YWHAQ: variants seen among roughly 807,000 people sequenced by gnomAD.
YWHAQ encodes tyrosine 3-monooxygenase/tryptophan 5-monooxygenase activation protein theta.
YWHAQ carries 6 observed loss-of-function variants against 28.3 expected under a neutral mutation model. The ratio of observed to expected loss-of-function variants is 0.21; its 90% CI spans 0.12 to 0.42. The LOEUF is 0.42. YWHAQ is among the 10% of genes least tolerant of loss of function. YWHAQ has a pLI of 1.00. For missense variants in YWHAQ, 201 were observed against 305.6 expected (o/e 0.66, Z 2.55); for synonymous variants, 143 against 119.1 (o/e 1.20, Z -1.31).
chr2:9,628,546 C>G (rs1372465643), intron 2 of YWHAQ, among the ~76,000 whole-genome samples: 1 of 152,164 alleles, frequency 6.6e-6, no homozygotes, highest in African/African-American at 2.4e-5. Flanking sequence ...AATTGAAAAG[C>G]AATAAACTGA....
At chr2:9,611,828 G>A (rs1167265989) in intron 2 of YWHAQ, among the ~76,000 whole-genome samples, 1 of 152,080 alleles carries the variant, frequency 6.6e-6, no homozygotes, top group Non-Finnish European at 1.5e-5. Context: ...GCACCACCAC[G>A]CCCAGCTAAT....
Position 9,591,423 on chromosome 2 carries a change from A to G in YWHAQ, c.387T>C (p.Leu129=). ...LKMKGDYFRY[L]AEVACGDDRK... Reference sequence around the variant, plus strand: ...GATCATCACCACACGCAACTTCAGCAAGGTACCGGAAGTAATCACCCTTCA... The same window carrying G: ...GATCATCACCACACGCAACTTCAGCGAGGTACCGGAAGTAATCACCCTTCA... Residue 129 remains leucine (L), a synonymous_variant, in exon 3 of 6, where the codon CTT becomes CTC. Transcript: ENST00000238081. 1 of 1,613,014 alleles carries G rather than the reference A, an allele frequency of 6.2e-7. No homozygotes were observed. Among genetic ancestry groups the G allele is most frequent in the Non-Finnish European group, 8.5e-7 (1 of 1,179,176 alleles).
In YWHAQ at chr2:9,630,035, A is replaced by G. The variant is rs1667328984; in HGVS notation, c.294+124T>C. Reference sequence around the variant, plus strand: ...ACAGTAGGGAAGTCAGGGCTCACCTAAAACCCTCCACCCCAGCAGACAGTC... The same window carrying G: ...ACAGTAGGGAAGTCAGGGCTCACCTGAAACCCTCCACCCCAGCAGACAGTC... On this transcript the variant is annotated intron_variant, in intron 2 of 5. Transcript: ENST00000238081. The surrounding 1 kb of genome is among the most constrained non-coding windows in gnomAD (Gnocchi z 5.6). 2.3e-6 allele frequency: 3 copies of G among 1,311,288 alleles called. No individual in the cohort carries two copies. Among genetic ancestry groups the G allele is most frequent in the African/African-American group, 1.5e-5 (1 of 68,162 alleles). 81.2% of individuals were successfully genotyped at this position (1,311,288 alleles called of 1,614,324 possible).
chr2:9,611,306 C>A (rs917349121), intron 2 of YWHAQ, among the ~76,000 whole-genome samples: 5 of 152,184 alleles, frequency 3.3e-5, no homozygotes, highest in Non-Finnish European at 4.4e-5. Context: ...TTGATTCCTA[C>A]GTGAGTCTAT....
intron 5 of YWHAQ, among the ~76,000 whole-genome samples, chr2:9,585,662 C>G (rs550402385): frequency 1.3e-5 from 2 of 152,106 alleles, no homozygotes; most frequent in African/African-American, 2.4e-5. Flanking sequence ...AATCTCAGCA[C>G]GTAGGGAGGC....
intron 2 of YWHAQ, among the ~76,000 whole-genome samples, chr2:9,600,347 C>T: frequency 6.6e-6 from 1 of 152,130 alleles, no homozygotes; most frequent in Non-Finnish European, 1.5e-5. Flanking sequence ...GAGAGGATTG[C>T]CTCTGATTTT....
At chr2:9,609,521 C>G (rs563584511) in intron 2 of YWHAQ, among the ~76,000 whole-genome samples, 1 of 151,702 alleles carries the variant, frequency 6.6e-6, no homozygotes, top group Non-Finnish European at 1.5e-5. Context: ...GGATAATGGC[C>G]GAGACTTCCA....
At chr2:9,609,502 G>A (rs532017970) in intron 2 of YWHAQ, among the ~76,000 whole-genome samples, 2 of 152,234 alleles carry the variant, frequency 1.3e-5, no homozygotes, top group East Asian at 3.9e-4. Context: ...AAGATGAGAT[G>A]TTATTCTGGG....
rs548895823 is a variant in YWHAQ at position 9,600,532 on chromosome 2, C to T, written c.295-9017G>A. On this transcript the variant is annotated intron_variant, in intron 2 of 5. Coordinates refer to ENST00000238081, the MANE Select transcript of YWHAQ (RefSeq NM_006826.4). ...ACCAGCCTGACCAACATGGAGAAACCCCATCTCTACTAAAAATACAAAATT... is the reference window on the plus strand; with the variant it reads ...ACCAGCCTGACCAACATGGAGAAACTCCATCTCTACTAAAAATACAAAATT... Among the ~76,000 whole-genome samples, 3 of 152,020 alleles carry T rather than the reference C, an allele frequency of 2.0e-5. No homozygotes were observed. The East Asian group carries it at 5.8e-4, about 29-fold the overall frequency.
intron 2 of YWHAQ, among the ~76,000 whole-genome samples, chr2:9,613,870 C>G (rs1417077997): frequency 2.6e-5 from 4 of 152,184 alleles, no homozygotes; most frequent in Non-Finnish European, 5.9e-5. Flanking sequence ...AACTCAGGTA[C>G]TGAGGTGCTG....
chr2:9,599,011 T>A (rs1252749684), intron 2 of YWHAQ, among the ~76,000 whole-genome samples: 2 of 152,096 alleles, frequency 1.3e-5, no homozygotes, highest in African/African-American at 4.8e-5. Flanking sequence ...TGAAGGAAAT[T>A]AAAAGTGCTA....
At chr2:9,628,801 A>G (rs936964842) in intron 2 of YWHAQ, 5 of 152,258 alleles carry the variant, frequency 3.3e-5, no homozygotes, top group African/African-American at 1.2e-4. Flanking sequence ...CTAAGAGCAC[A>G]CGGAAGAATA....
chr2:9,601,135 C>T (rs1459436024), intron 2 of YWHAQ, among the ~76,000 whole-genome samples: 1 of 152,122 alleles, frequency 6.6e-6, no homozygotes, highest in African/African-American at 2.4e-5. Flanking sequence ...CTTTGGAAGA[C>T]ATTGTGTGGT....
At chr2:9,586,634 T>C (rs1009124423) in intron 5 of YWHAQ, among the ~76,000 whole-genome samples, 1 of 152,220 alleles carries the variant, frequency 6.6e-6, no homozygotes, top group Admixed American at 6.5e-5. Context: ...AGGGTCTTCG[T>C]TCCCCTTTCA....
rs141970267 is a variant in YWHAQ, at chr2:9,587,707, G to A, written c.583-198C>T. Among the ~76,000 whole-genome samples, 157 of 152,318 alleles carry A rather than the reference G, an allele frequency of 1.0e-3. 1 individual carries two copies. Among genetic ancestry groups the A allele is most frequent in the African/African-American group, 3.6e-3 (149 of 41,574 alleles). Reference sequence around the variant, plus strand: ...GGAATTTTATAAAACTATACACTTAGTAAACAAGCATGTCTTGGTTCTTTC... The same window carrying A: ...GGAATTTTATAAAACTATACACTTAATAAACAAGCATGTCTTGGTTCTTTC... On this transcript the variant is annotated intron_variant, in intron 4 of 5. Coordinates refer to ENST00000238081, the MANE Select transcript of YWHAQ (RefSeq NM_006826.4).
intron 2 of YWHAQ, among the ~76,000 whole-genome samples, chr2:9,625,295 T>G (rs1472201591): frequency 6.6e-6 from 1 of 151,324 alleles, no homozygotes; most frequent in Admixed American, 6.6e-5. Flanking sequence ...CCCAAAACTC[T>G]TGCCTTTAAG....
Position 9,630,627 on chromosome 2 carries a change from C to A in YWHAQ, c.-82-93G>T. The A allele has an allele frequency of 1.7e-6, 1 of 588,270 alleles. No individual in the cohort carries two copies. Among genetic ancestry groups the A allele is most frequent in the Non-Finnish European group, 2.8e-6 (1 of 358,680 alleles). 36.4% of individuals were successfully genotyped at this position (588,270 alleles called of 1,614,324 possible). On this transcript the variant is annotated intron_variant, in intron 1 of 5. Coordinates refer to ENST00000238081, the MANE Select transcript of YWHAQ (RefSeq NM_006826.4). This position sits in a 1 kb window ranked among gnomAD's most constrained non-coding sequence, Gnocchi z 5.6. Reference sequence around the variant, plus strand: ...CCGCCGCCCGCTTTTGTCTCCCGCACACGCGGCCGCTTGAATTTCCCTCTC... The same window carrying A: ...CCGCCGCCCGCTTTTGTCTCCCGCAAACGCGGCCGCTTGAATTTCCCTCTC...
At position 9,599,391 on chromosome 2, in the gene YWHAQ, G is replaced by A. The variant is rs141084756; in HGVS notation, c.295-7876C>T. 5.3e-5 allele frequency among the ~76,000 whole-genome samples: 8 copies of A among 152,294 alleles called. No homozygotes were observed. In the East Asian group the frequency reaches 1.5e-3, roughly 29 times the overall value. On this transcript the variant is annotated intron_variant, in intron 2 of 5. Transcript: ENST00000238081. ...CACAAAATACCATATTTCCAATGTA[G>A]AGGAAACAGCCTCATACCAGAAGAT...
intron 2 of YWHAQ, among the ~76,000 whole-genome samples, chr2:9,617,630 C>T (rs1199733527): frequency 6.6e-6 from 1 of 152,084 alleles, no homozygotes; most frequent in East Asian, 1.9e-4. Flanking sequence ...GTTATCTTAC[C>T]ACACTATAAG....
Sources: gnomAD v4.1 joint callset for allele counts (sites outside exome capture counted in the v4.1 genomes callset) on GRCh38, gnomAD v4.1.1 for gene constraint, Gnocchi (gnomAD v3.1) non-coding constraint, MANE v1.5 for transcripts, NCBI Gene and HGNC (gene_info 2026-07-23, HGNC 2026-07-21) for gene names.